ENAH: variants seen among roughly 807,000 people sequenced by gnomAD.
ENAH encodes protein enabled homolog.
ENAH carries 23 observed loss-of-function variants against 78.7 expected under a neutral mutation model. The ratio of observed to expected loss-of-function variants is 0.29; its 90% CI spans 0.21 to 0.41. The LOEUF is 0.41. Ranked by LOEUF, ENAH falls within the 10% of genes least tolerant of loss-of-function variation. ENAH has a pLI of 1.00. For missense variants in ENAH, 544 were observed against 691.0 expected (o/e 0.79, Z 2.39); for synonymous variants, 226 against 241.0 (o/e 0.94, Z 0.58).
chr1:225,508,963 T>C (rs183447129), intron 10 of ENAH, among the ~76,000 whole-genome samples: 115 of 152,354 alleles, frequency 7.5e-4, no homozygotes, highest in Non-Finnish European at 1.0e-4. Context: ...CACTCTTCCA[T>C]GAAGCCCTGC....
At chr1:225,614,248 GGGGTTTCCCCA>G (rs1442757928) in intron 1 of ENAH, among the ~76,000 whole-genome samples, 2 of 151,976 alleles carry the variant, frequency 1.3e-5, no homozygotes, top group Admixed American at 1.3e-4. Flanking sequence ...TAGTAGAGAC[GGGGTTTCCCCA>G]TGTTGGCAAG....
intron 9 of ENAH, among the ~76,000 whole-genome samples, chr1:225,512,447 T>C (rs1346874781): frequency 6.6e-6 from 1 of 152,198 alleles, no homozygotes; most frequent in Non-Finnish European, 1.5e-5. Flanking sequence ...TTCCCATAAT[T>C]TCACATATTC....
chr1:225,618,485 G>GA (rs962112047), intron 1 of ENAH, among the ~76,000 whole-genome samples: 10 of 151,738 alleles, frequency 6.6e-5, no homozygotes, highest in Non-Finnish European at 1.5e-4. Context: ...GTACAGCACA[G>GA]AAAAAAAGGG....
chr1:225,554,045 G>T (rs1447858336), intron 3 of ENAH, among the ~76,000 whole-genome samples: 5 of 152,048 alleles, frequency 3.3e-5, no homozygotes, highest in Admixed American at 3.3e-4. Context: ...AACAGATTTT[G>T]ATATTCTACA....
At chr1:225,609,311 T>C (rs545122134) in intron 1 of ENAH, among the ~76,000 whole-genome samples, 1 of 152,198 alleles carries the variant, frequency 6.6e-6, no homozygotes, top group South Asian at 2.1e-4. Flanking sequence ...CAAAGATTCA[T>C]TAAATCCAGC....
chr1:225,514,243 T>A (rs1051650463), intron 7 of ENAH, among the ~76,000 whole-genome samples: 16 of 151,826 alleles, frequency 1.1e-4, no homozygotes, highest in African/African-American at 3.1e-4. Flanking sequence ...CTCGGCTCAC[T>A]GCAACCTCCA....
chr1:225,538,221 C>T (rs1252234604), intron 3 of ENAH, among the ~76,000 whole-genome samples: 1 of 151,824 alleles, frequency 6.6e-6, no homozygotes, highest in Non-Finnish European at 1.5e-5. Flanking sequence ...AAGTTCTACG[C>T]AATACATTTT....
chr1:225,572,463 C>T (rs2096767945), intron 1 of ENAH, among the ~76,000 whole-genome samples: 1 of 152,174 alleles, frequency 6.6e-6, no homozygotes, highest in African/African-American at 2.4e-5. Flanking sequence ...AAAGACAAAT[C>T]ATTAAATGCA....
At position 225,519,339 on chromosome 1, in the gene ENAH, G is replaced by C. The variant is rs148381397; in HGVS notation, c.661C>G (p.Arg221Gly). 6.8e-7 allele frequency: 1 copy of C among 1,480,140 alleles called. No individual in the cohort carries two copies. Among genetic ancestry groups the C allele is most frequent in the African/African-American group, 1.5e-5 (1 of 66,854 alleles). The allele number at this position is 1,480,140 out of a possible 1,614,324, so 91.7% of individuals were successfully genotyped here. A position where few individuals can be genotyped will look rare whatever the true frequency, so the allele number is the denominator to read the frequency against. The change falls in exon 5 of 14, where the codon CGC becomes GGC. Residue 221 changes from arginine to glycine, a missense_variant. By Grantham distance (125) the Arg-to-Gly change is moderately radical. Transcript: ENST00000366843. ...CTTTCTTGCCTCTCCCGATCCAGGCGTTCCTGCCGCTCCAGGCGTTCCTGC... is the reference window on the plus strand; with the variant it reads ...CTTTCTTGCCTCTCCCGATCCAGGCCTTCCTGCCGCTCCAGGCGTTCCTGC... ...ERQERLERQE[R>G]LDRERQERQE...
intron 3 of ENAH, among the ~76,000 whole-genome samples, chr1:225,545,881 T>C (rs1257481378): frequency 6.6e-6 from 1 of 151,470 alleles, no homozygotes; most frequent in Non-Finnish European, 1.5e-5. Flanking sequence ...TTAGGCCTTA[T>C]TAGCTCTAAT....
At chr1:225,526,379 G>A (rs1307203207) in intron 4 of ENAH, among the ~76,000 whole-genome samples, 1 of 142,672 alleles carries the variant, frequency 7.0e-6, no homozygotes, top group African/African-American at 2.6e-5. Flanking sequence ...TTGCTCTGTC[G>A]CCAGGCTGGG....
At chr1:225,543,196 A>G (rs1220604918) in intron 3 of ENAH, among the ~76,000 whole-genome samples, 1 of 152,190 alleles carries the variant, frequency 6.6e-6, no homozygotes, top group Non-Finnish European at 1.5e-5. Context: ...CTAGGCACCC[A>G]TATCATTCAT....
At chr1:225,527,757 C>CTT (rs1176098877) in intron 4 of ENAH, among the ~76,000 whole-genome samples, 22 of 152,120 alleles carry the variant, frequency 1.4e-4, no homozygotes, top group Admixed American at 1.4e-3. Flanking sequence ...CTTTACACAC[C>CTT]TACTCTTTCT....
chr1:225,561,641 A>AAAATAAAATAAAATAAAATAAAAT (rs2096706683), intron 2 of ENAH, among the ~76,000 whole-genome samples: 3 of 151,750 alleles, frequency 2.0e-5, no homozygotes, highest in Non-Finnish European at 4.4e-5. Context: ...AAAATAAAAT[A>AAAATAAAATAAAATAAAATAAAAT]AAATAAAATA....
chr1:225,567,360 A>G lies in ENAH; in HGVS notation c.60T>C (p.Asn20=). The change falls in exon 2 of 14, where the codon AAT becomes AAC. Residue 20 remains asparagine, a synonymous_variant. Coordinates refer to ENST00000366843, the MANE Select transcript of ENAH (RefSeq NM_018212.6). ...RAAVMVYDDA[N]KKWVPAGGST... is the part of the protein sequence containing the mutation. ...AGCCACCAGCTGGCACCCACTTCTT[A>G]TTGGCATCATCATAAACCATCACAG... 1 of 1,614,134 alleles carries G rather than the reference A, an allele frequency of 6.2e-7. No homozygotes were observed. The highest frequency in any genetic ancestry group is 8.5e-7 in the Non-Finnish European group (1 of 1,180,014).
At chr1:225,649,032 C>CT (rs1255262877) in intron 1 of ENAH, among the ~76,000 whole-genome samples, 5 of 152,052 alleles carry the variant, frequency 3.3e-5, no homozygotes, top group Non-Finnish European at 7.4e-5. Context: ...CCCAAATAGT[C>CT]TAACATAGAA....
intron 13 of ENAH, 62 bp downstream of exon 13, chr1:225,498,285 C>G: frequency 7.4e-7 from 1 of 1,360,302 alleles, no homozygotes; most frequent in Non-Finnish European, 1.0e-6. Flanking sequence ...TTTGCATTTT[C>G]TTAAAAATGG....
chr1:225,514,847 G>A lies in ENAH; in HGVS notation c.967C>T (p.Pro323Ser). 1 of 1,601,834 alleles carries A rather than the reference G, an allele frequency of 6.2e-7. No homozygotes were observed. The highest frequency in any genetic ancestry group is 8.5e-7 in the Non-Finnish European group (1 of 1,175,916). The change falls in exon 7 of 14, where the codon CCT becomes TCT. Residue 323 changes from proline (P) to serine (S), a missense_variant. Transcript: ENST00000366843. ...PPPPPPLPPG[P>S]AQASVALPPP... ...GGGAGGGCTACTGAAGCCTGTGCAGGCCCTGGTGGGAGTGGTGGAGGAGGT... is the reference window on the plus strand; with the variant it reads ...GGGAGGGCTACTGAAGCCTGTGCAGACCCTGGTGGGAGTGGTGGAGGAGGT...
In ENAH at chr1:225,652,464, T is replaced by C. The variant is rs529013749; in HGVS notation, c.5+222A>G. The C allele has an allele frequency of 1.6e-5, 15 of 967,220 alleles. No individual in the cohort carries two copies. The East Asian group carries it at 1.2e-3, about 74-fold the overall frequency. The allele number at this position is 967,220 out of a possible 1,614,324, so 59.9% of individuals were successfully genotyped here. ...TGAAAGAAGAGCATTTGAGGAAAAA[T>C]GAGAGAACGATGAAGCGAGACCCCC... On this transcript the variant is annotated intron_variant, in intron 1 of 13. Coordinates refer to ENST00000366843, the MANE Select transcript of ENAH (RefSeq NM_018212.6).
Sources: allele counts gnomAD v4.1 joint callset (sites outside exome capture counted in the v4.1 genomes callset), GRCh38; gene constraint gnomAD v4.1.1; transcripts MANE v1.5; gene names NCBI Gene and HGNC (gene_info 2026-07-23, HGNC 2026-07-21).